Variants in ERC1 observed in about 807,000 individuals in gnomAD.
The protein encoded by ERC1 is ELKS/RAB6-interacting/CAST family member 1, also known as RAB6 interacting protein 2.
A neutral mutation model predicts 132.0 loss-of-function variants in ERC1; 56 were observed. That is an observed-to-expected ratio of 0.42 (90% CI 0.34 to 0.53). The LOEUF is 0.53. Among genes scored for constraint, ERC1 ranks in the 20% least tolerant of loss-of-function variants. The pLI, the probability that ERC1 is intolerant of heterozygous loss-of-function variation, is 0.03. For synonymous variants in ERC1, 478 were observed against 476.1 expected, an observed-to-expected ratio of 1.00 and a Z score of -0.05; for missense variants, 1,202 against 1,349.9, an observed-to-expected ratio of 0.89 and a Z score of 1.72.
At chr12:1,267,653 T>C (rs1378841900) in intron 14 of ERC1, among the ~76,000 whole-genome samples, 2 of 152,090 alleles carry the variant, frequency 1.3e-5, no homozygotes, top group Admixed American at 6.5e-5. Flanking sequence ...TCCCAGCTAC[T>C]TGAGGGACTG....
At chr12:1,352,483 A>C (rs767654147) in intron 15 of ERC1, among the ~76,000 whole-genome samples, 1 of 152,238 alleles carries the variant, frequency 6.6e-6, no homozygotes. Flanking sequence ...GTCATCATGT[A>C]TAGTTTATGT....
chr12:1,110,226 G>A lies in ERC1; in HGVS notation c.1196G>A (p.Arg399Gln), dbSNP rs769282831. ...ATTTCCTCTATGGAGCGTGGGCTTC[G>A]AGACCTGGAAGAGGAAATTCAGATG... ...SKISSMERGL[R>Q]DLEEEIQMLK... Residue 399 changes from arginine to glutamine, a missense_variant, in exon 5 of 19, where the codon CGA (arginine) becomes CAA (glutamine). Physicochemically the swap from Arg to Gln is conservative, Grantham distance 43. Transcript: ENST00000360905. 8.1e-6 allele frequency: 13 copies of A among 1,613,278 alleles called. No homozygotes were observed. The Admixed American group carries it at 8.3e-5, about 10-fold the overall frequency.
chr12:1,414,916 T>C (rs1196498459), intron 17 of ERC1, among the ~76,000 whole-genome samples: 1 of 152,168 alleles, frequency 6.6e-6, no homozygotes, highest in Admixed American at 6.5e-5. Flanking sequence ...AAAGTAAAAG[T>C]AAAGTTTACA....
chr12:1,081,230 A>G (rs547283389), intron 2 of ERC1, among the ~76,000 whole-genome samples: 2 of 152,310 alleles, frequency 1.3e-5, no homozygotes, highest in East Asian at 3.9e-4. Flanking sequence ...TGGAATTTAC[A>G]TAACCATTCA....
intron 18 of ERC1, among the ~76,000 whole-genome samples, chr12:1,447,627 G>GTTTTGT (rs796760068): frequency 0.027 from 4,008 of 148,754 alleles, 133 homozygotes; most frequent in African/African-American, 0.076. Flanking sequence ...GTTTGTCTTT[G>GTTTTGT]TTTTGTTTTT....
chr12:1,304,909 C>T (rs2080750188), intron 15 of ERC1, among the ~76,000 whole-genome samples: 1 of 150,120 alleles, frequency 6.7e-6, no homozygotes, highest in Admixed American at 6.7e-5. Context: ...CCTACCTCAG[C>T]CTCCCGAGTA....
chr12:1,216,866 A>G (rs1347893617), intron 12 of ERC1, among the ~76,000 whole-genome samples: 1 of 152,174 alleles, frequency 6.6e-6, no homozygotes, highest in African/African-American at 2.4e-5. Context: ...GGAAAATTAA[A>G]TGAAGTGGGA....
chr12:1,227,644 CT>C (rs1453473234), intron 12 of ERC1, among the ~76,000 whole-genome samples: 11 of 152,132 alleles, frequency 7.2e-5, no homozygotes, highest in African/African-American at 2.7e-4. Context: ...GTGCAGAAGC[CT>C]TTTAGTTTGA....
chr12:1,362,448 G>GTCTCTCTCTC (rs750785449), intron 15 of ERC1, among the ~76,000 whole-genome samples: 1 of 144,804 alleles, frequency 6.9e-6, no homozygotes, highest in African/African-American at 2.7e-5. Context: ...CTCTCTCTCT[G>GTCTCTCTCTC]TCTCTCTCTC....
At chr12:1,037,977 G>A (rs1969414865) in intron 2 of ERC1, among the ~76,000 whole-genome samples, 1 of 151,466 alleles carries the variant, frequency 6.6e-6, no homozygotes, top group Admixed American at 6.6e-5. Flanking sequence ...CCGGGAGGCG[G>A]CTCTTGCAGT....
At chr12:1,219,434 G>T (rs1218336831) in intron 12 of ERC1, among the ~76,000 whole-genome samples, 1 of 151,992 alleles carries the variant, frequency 6.6e-6, no homozygotes, top group Non-Finnish European at 1.5e-5. Flanking sequence ...AGCAATCCTT[G>T]ATTTTTCTTA....
At position 1,304,979 on chromosome 12, in the gene ERC1, C is replaced by T. The variant is rs552948412; in HGVS notation, c.2780+14967C>T. ...TAATTTTTTGTATTTTTAGTAGAGA[C>T]GGGTTTCACCGTGTTGGCCAGGATG... On this transcript the variant is annotated intron_variant, in intron 15 of 18. Transcript: ENST00000360905. Among the ~76,000 whole-genome samples the T allele has an allele frequency of 7.9e-4, 120 of 151,306 alleles. 2 individuals carry two copies. Among genetic ancestry groups the T allele is most frequent in the Admixed American group, 7.4e-3 (113 of 15,200 alleles).
At chr12:1,161,099 C>T (rs1319442387) in intron 8 of ERC1, among the ~76,000 whole-genome samples, 1 of 152,134 alleles carries the variant, frequency 6.6e-6, no homozygotes, top group South Asian at 2.1e-4. Flanking sequence ...CTTTCTAAAC[C>T]GTCCTCATTC....
intron 14 of ERC1, among the ~76,000 whole-genome samples, chr12:1,289,174 A>G (rs954916843): frequency 9.5e-5 from 14 of 146,884 alleles, no homozygotes; most frequent in African/African-American, 3.0e-4. Flanking sequence ...TCCTGCCTAT[A>G]TAATATATAG....
At chr12:1,002,854 T>G (rs1962669553) in intron 1 of ERC1, among the ~76,000 whole-genome samples, 1 of 152,148 alleles carries the variant, frequency 6.6e-6, no homozygotes, top group Admixed American at 6.5e-5. Context: ...TTTTATCTTT[T>G]TTTTCTTATT....
Position 991,295 on chromosome 12 carries a change from A to AGCAGTAGCGGCAGCG in ERC1, c.-180_-179insTAGCGGCAGCGGCAG, listed in dbSNP as rs1592519673. On this transcript the variant is annotated 5_prime_UTR_variant, in exon 1 of 19. Coordinates refer to ENST00000360905, the MANE Select transcript of ERC1 (RefSeq NM_178040.4). The stretch of plus-strand genomic sequence containing the variant: ...GCGGCGGCGGTGCCTGGGCGGCAGC[A>AGCAGTAGCGGCAGCG]GCAGCAGTAGCGGCAGCCCTGAGGA... 6.0e-6 allele frequency: 1 copy of AGCAGTAGCGGCAGCG among 165,792 alleles called. No homozygotes were observed. The highest frequency in any genetic ancestry group is 1.2e-5 in the Non-Finnish European group (1 of 80,246). 10.3% of individuals were successfully genotyped at this position (165,792 alleles called of 1,614,324 possible).
intron 15 of ERC1, among the ~76,000 whole-genome samples, chr12:1,333,543 C>T (rs1381059021): frequency 6.6e-6 from 1 of 151,784 alleles, no homozygotes; most frequent in Non-Finnish European, 1.5e-5. Flanking sequence ...ATGTTGGCCA[C>T]GGTGGTCTCG....
chr12:1,099,101 G>A (rs893553159), intron 3 of ERC1, among the ~76,000 whole-genome samples: 1 of 152,124 alleles, frequency 6.6e-6, no homozygotes, highest in Non-Finnish European at 1.5e-5. Flanking sequence ...ATTCGTTGGT[G>A]GTCTTGATGA....
At chr12:1,021,832 G>A (rs1252882696) in intron 1 of ERC1, among the ~76,000 whole-genome samples, 3 of 152,134 alleles carry the variant, frequency 2.0e-5, no homozygotes, top group Non-Finnish European at 4.4e-5. Context: ...CAGGGAGACA[G>A]TGCAAACATG....
Sources: allele counts gnomAD v4.1 joint callset (sites outside exome capture counted in the v4.1 genomes callset), GRCh38; gene constraint gnomAD v4.1.1; transcripts MANE v1.5; gene names NCBI Gene and HGNC (gene_info 2026-07-23, HGNC 2026-07-21).